The following TCF20 variants were observed in gnomAD, a reference collection of about 807,000 sequenced individuals.
TCF20 encodes the protein SPRE-binding protein.
A neutral mutation model predicts 148.6 loss-of-function variants in TCF20; 3 were observed. The observed-to-expected ratio is 0.02, with a 90% confidence interval of 0.01 to 0.05. The LOEUF (loss-of-function observed/expected upper bound fraction) is 0.05. Among genes scored for constraint, TCF20 ranks in the 10% least tolerant of loss-of-function variants. The pLI, the probability that TCF20 is intolerant of heterozygous loss-of-function variation, is 1.00. For missense variants in TCF20, 2,350 were observed against 2,429.3 expected, an observed-to-expected ratio of 0.97 and a Z score of 0.69; for synonymous variants, 1,049 against 909.5, an observed-to-expected ratio of 1.15 and a Z score of -2.76.
rs2147047395 is a variant in TCF20 at position 42,317,970 on chromosome 22, G to A, written c.-37+25509C>T. ...GGCCACACTCCCAGAGCCCTATGGG[G>A]CAGGCAGGCCCAGGCCCAGACAAGC... On this transcript the variant is annotated intron_variant, in intron 1 of 1. Transcript: ENST00000515426. The surrounding 1 kb of genome is among the most constrained non-coding windows in gnomAD (Gnocchi z 4.2). 6.6e-6 allele frequency among the ~76,000 whole-genome samples: 1 copy of A among 152,318 alleles called. No individual in the cohort carries two copies. Among genetic ancestry groups the A allele is most frequent in the Non-Finnish European group, 1.5e-5 (1 of 68,002 alleles).
In TCF20 at chr22:42,212,219, G is replaced by T. The variant is rs1054445857; in HGVS notation, c.3087C>A (p.Asp1029Glu). Reference protein sequence around the residue: ...SPGRSRGPGGDPHHMNPHMTF... With the variant: ...SPGRSRGPGGEPHHMNPHMTF... ...TCATGTGTGGATTCATGTGATGAGGGTCTCCCCCTGGGCCTCTGCTCCGCC... is the reference window on the plus strand; with the variant it reads ...TCATGTGTGGATTCATGTGATGAGGTTCTCCCCCTGGGCCTCTGCTCCGCC... The change falls in exon 2 of 6, where the codon GAC (aspartate) becomes GAA (glutamate). Residue 1029 changes from aspartate (D) to glutamate (E), a missense_variant. By Grantham distance (45) the Asp-to-Glu change is conservative. This residue lies in a region of TCF20 where 1,641 missense variants were observed against 1,662.6 expected (regional missense o/e 0.99). Coordinates refer to ENST00000677622, the MANE Select transcript of TCF20 (RefSeq NM_001378418.1). 6.2e-7 allele frequency: 1 copy of T among 1,614,066 alleles called. No homozygotes were observed. The highest frequency in any genetic ancestry group is 8.5e-7 in the Non-Finnish European group (1 of 1,180,044).
chr22:42,307,632 A>G (rs1402395835), intron 1 of TCF20, among the ~76,000 whole-genome samples: 1 of 152,254 alleles, frequency 6.6e-6, no homozygotes, highest in East Asian at 1.9e-4. Context: ...AGCTAAGTGA[A>G]GCGTCCCCTG....
At position 42,212,273 on chromosome 22, in the gene TCF20, G is replaced by A. The variant is rs144621746; in HGVS notation, c.3033C>T (p.Asp1011=). 6.2e-7 allele frequency: 1 copy of A among 1,614,192 alleles called. No individual in the cohort carries two copies. Among genetic ancestry groups the A allele is most frequent in the Non-Finnish European group, 8.5e-7 (1 of 1,180,036 alleles). ...MRGRSPSQYH[D]FAEKLKMSPG... is the part of the protein sequence containing the mutation. ...GAGACATTTTCAATTTTTCTGCAAAGTCATGATATTGAGAAGGGGACCGAC... is the reference window on the plus strand; with the variant it reads ...GAGACATTTTCAATTTTTCTGCAAAATCATGATATTGAGAAGGGGACCGAC... Residue 1011 remains aspartate, a synonymous_variant, in exon 2 of 6, where the codon GAC becomes GAT. Transcript: ENST00000677622.
intron 1 of TCF20, among the ~76,000 whole-genome samples, chr22:42,323,899 G>GTGGTGGTGGTGGTGGTGA (rs1927789531): frequency 1.0e-5 from 1 of 96,128 alleles, no homozygotes; most frequent in Non-Finnish European, 2.4e-5. Flanking sequence ...GGTTATGGTG[G>GTGGTGGTGGTGGTGGTGA]TGGAGGTGGT....
At chr22:42,243,387 G>C (rs1052067318) in intron 1 of TCF20, among the ~76,000 whole-genome samples, 2 of 147,216 alleles carry the variant, frequency 1.4e-5, no homozygotes, top group African/African-American at 4.9e-5. Context: ...CTGATCACTT[G>C]ACGTCAGAAA....
chr22:42,206,490 G>A (rs868355992), intron 2 of TCF20, among the ~76,000 whole-genome samples: 2 of 135,940 alleles, frequency 1.5e-5, no homozygotes, highest in Non-Finnish European at 1.5e-5. Flanking sequence ...TTGACAAGAG[G>A]ATGATTAACG....
At chr22:42,270,670 G>A (rs1353136348), upstream of TCF20, among the ~76,000 whole-genome samples, 1 of 142,624 alleles carries the variant, frequency 7.0e-6, no homozygotes, top group Non-Finnish European at 1.6e-5. Context: ...TCAGGTGACG[G>A]CGCGCGGCCA....
intron 1 of TCF20, among the ~76,000 whole-genome samples, chr22:42,255,867 C>CA (rs1925713447): frequency 6.6e-6 from 1 of 152,148 alleles, no homozygotes; most frequent in Non-Finnish European, 1.5e-5. Flanking sequence ...GCCCCAGCCC[C>CA]AGGTTCAAAG....
chr22:42,307,358 G>C (rs145431181), intron 1 of TCF20, among the ~76,000 whole-genome samples: 6 of 152,312 alleles, frequency 3.9e-5, no homozygotes, highest in African/African-American at 1.4e-4. Flanking sequence ...CCAGAGTGGC[G>C]GACAGCTGGG....
rs199870032 is a variant in TCF20 at position 42,211,931 on chromosome 22, C to G, written c.3375G>C (p.Gln1125His). Residue 1125 changes from glutamine (Q) to histidine (H), a missense_variant, in exon 2 of 6, where the codon CAG becomes CAC. Gln to His is a conservative substitution (Grantham distance 24). Around this residue, in one of 7 missense-constraint regions of TCF20, gnomAD observed 1,641 missense variants for 1,662.6 expected, o/e 0.99. Transcript: ENST00000677622. ...RQEGPRKSPR[Q>H]QQFLDRVRSP... The stretch of plus-strand genomic sequence containing the variant: ...TCCGTACTCTGTCAAGAAACTGCTG[C>G]TGCCTTGGACTCTTCCGTGGCCCCT... 1.9e-6 allele frequency: 3 copies of G among 1,614,088 alleles called. No individual in the cohort carries two copies. In the South Asian group the frequency reaches 3.3e-5, roughly 18 times the overall value.
chr22:42,265,690 T>G (rs1293552119), intron 1 of TCF20, among the ~76,000 whole-genome samples: 6 of 152,174 alleles, frequency 3.9e-5, no homozygotes, highest in African/African-American at 1.4e-4. Context: ...TCCCCATGAG[T>G]AAGAAGGCTT....
chr22:42,231,099 C>T (rs1478573425), intron 1 of TCF20, among the ~76,000 whole-genome samples: 1 of 152,056 alleles, frequency 6.6e-6, no homozygotes. Context: ...GACATGGAGG[C>T]TGCAGTGAGC....
At chr22:42,195,500 C>CTT (rs897311922) in intron 2 of TCF20, among the ~76,000 whole-genome samples, 9 of 141,696 alleles carry the variant, frequency 6.4e-5, no homozygotes, top group Non-Finnish European at 1.1e-4. Context: ...ATATTACATA[C>CTT]TTTTTTTTTT....
intron 1 of TCF20, among the ~76,000 whole-genome samples, chr22:42,329,140 A>G (rs1569210959): frequency 6.6e-6 from 1 of 152,120 alleles, no homozygotes; most frequent in Non-Finnish European, 1.5e-5. Context: ...CTGATAAACC[A>G]TTCTCTTCCA....
At chr22:42,273,061 TC>T (rs369776685), upstream of TCF20, among the ~76,000 whole-genome samples, 461 of 152,136 alleles carry the variant, frequency 3.0e-3, no homozygotes, top group African/African-American at 0.011. Flanking sequence ...GTTGTGGGAC[TC>T]TCAAGAGAGC....
rs986863300 is a variant in TCF20 at position 42,317,649 on chromosome 22, T to TG, written c.-37+25829dup. ...CTGCTCCTGCATTCCCGCTGGGGGC[T>TG]GGGGGGGAAAGGGGTGTAGACTCAG... is the stretch of plus-strand genomic sequence containing the variant. On this transcript the variant is annotated intron_variant, in intron 1 of 1. Transcript: ENST00000515426. This position sits in a 1 kb window ranked among gnomAD's most constrained non-coding sequence, Gnocchi z 4.2. Among the ~76,000 whole-genome samples the TG allele has an allele frequency of 1.3e-5, 2 of 151,356 alleles. No homozygotes were observed. The highest frequency in any genetic ancestry group is 4.9e-5 in the African/African-American group (2 of 41,144).
intron 1 of TCF20, among the ~76,000 whole-genome samples, chr22:42,245,895 G>A (rs1924861496): frequency 6.6e-6 from 1 of 152,006 alleles, no homozygotes; most frequent in Admixed American, 6.6e-5. Context: ...TTACAGGCAT[G>A]AGCCACCACA....
At chr22:42,291,946 G>A (rs918278644) in intron 1 of TCF20, among the ~76,000 whole-genome samples, 2 of 152,080 alleles carry the variant, frequency 1.3e-5, no homozygotes, top group Non-Finnish European at 2.9e-5. Flanking sequence ...AGATGTGAGG[G>A]AGGAAGGTCA....
intron 1 of TCF20, among the ~76,000 whole-genome samples, chr22:42,220,933 G>T (rs1387711704): frequency 6.6e-6 from 1 of 152,200 alleles, no homozygotes; most frequent in Non-Finnish European, 1.5e-5. Flanking sequence ...GCTACTGCTA[G>T]CACAGAAGAC....
Sources: allele counts gnomAD v4.1 joint callset (sites outside exome capture counted in the v4.1 genomes callset), GRCh38; gene constraint gnomAD v4.1.1; regional missense constraint gnomAD v4.1.1; non-coding constraint Gnocchi (gnomAD v3.1); transcripts MANE v1.5; gene names NCBI Gene and HGNC (gene_info 2026-07-23, HGNC 2026-07-21).